UBE3C: variants seen among roughly 807,000 people sequenced by gnomAD.
UBE3C encodes ubiquitin protein ligase E3C, also known as ubiquitin-protein ligase E3C.
In UBE3C, 42 loss-of-function variants were observed where a neutral mutation model predicts 129.4. The observed-to-expected ratio is 0.32, with a 90% CI of 0.25 to 0.42. The LOEUF (loss-of-function observed/expected upper bound fraction) is 0.42, where lower values mean the gene tolerates loss of function less well. UBE3C is among the 10% of genes least tolerant of loss of function. The probability of loss-of-function intolerance (pLI) is 1.00; values close to 1 mark genes in which losing one functional copy is unlikely to be tolerated. For synonymous variants in UBE3C, 510 were observed against 492.4 expected, an observed-to-expected ratio of 1.04 and a Z score of -0.47; for missense variants, 1,049 against 1,319.1, an observed-to-expected ratio of 0.80 and a Z score of 3.17.
At chr7:157,226,251 G>T (rs1199916712) in intron 17 of UBE3C, among the ~76,000 whole-genome samples, 1 of 152,142 alleles carries the variant, frequency 6.6e-6, no homozygotes, top group African/African-American at 2.4e-5. Flanking sequence ...AGTTTCTTAT[G>T]AAAAGATAAG....
At chr7:157,169,862 T>TTAG (rs1300790200) in intron 3 of UBE3C, among the ~76,000 whole-genome samples, 1 of 152,092 alleles carries the variant, frequency 6.6e-6, no homozygotes, top group Non-Finnish European at 1.5e-5. Context: ...TTTTGTATTT[T>TTAG]TAGTAGAGAT....
At chr7:157,251,833 C>T (rs187745201) in intron 19 of UBE3C, among the ~76,000 whole-genome samples, 50 of 151,354 alleles carry the variant, frequency 3.3e-4, no homozygotes, top group Non-Finnish European at 5.0e-4. Context: ...GTAGTGTAAC[C>T]GTTTAAAAGT....
At chr7:157,248,298 A>G in intron 18 of UBE3C, 70 bp from the exon 19 acceptor site, 1 of 1,372,122 alleles carries the variant, frequency 7.3e-7, no homozygotes. Flanking sequence ...TATCAAGTTG[A>G]GCATATGGCT....
intron 22 of UBE3C, 117 bp downstream of exon 22, chr7:157,257,161 T>A (rs1487548768): frequency 1.4e-6 from 2 of 1,380,682 alleles, no homozygotes; most frequent in African/African-American, 2.9e-5. Flanking sequence ...TATCTTCAGC[T>A]AGATTTTTAA....
At chr7:157,190,895 C>G (rs567932699) in intron 10 of UBE3C, among the ~76,000 whole-genome samples, 40 of 152,286 alleles carry the variant, frequency 2.6e-4, no homozygotes, top group Non-Finnish European at 5.4e-4. Context: ...TTTATGCCTC[C>G]ATGGTGTTTC....
At chr7:157,174,642 CAG>C (rs1808466478) in intron 4 of UBE3C, among the ~76,000 whole-genome samples, 1 of 152,164 alleles carries the variant, frequency 6.6e-6, no homozygotes, top group Non-Finnish European at 1.5e-5. Context: ...TTTGTAGAGA[CAG>C]GGTTTCACCA....
intron 18 of UBE3C, among the ~76,000 whole-genome samples, chr7:157,237,378 T>C (rs1452462758): frequency 1.1e-4 from 16 of 152,112 alleles, no homozygotes. Flanking sequence ...GAGGCGGAGC[T>C]TGCAGTGAGC....
intron 3 of UBE3C, 119 bp downstream of exon 3, chr7:157,169,241 A>G: frequency 4.5e-6 from 3 of 664,402 alleles, no homozygotes; most frequent in Non-Finnish European, 4.8e-6. Flanking sequence ...TTCCCAATAA[A>G]TAATTTTATT....
intron 5 of UBE3C, among the ~76,000 whole-genome samples, chr7:157,177,587 G>A (rs3802126): frequency 0.48 from 72,307 of 152,098 alleles, 19,806 homozygotes; most frequent in African/African-American, 0.77. Context: ...GTGTAGCCCC[G>A]CTCCTCCTGC....
intron 10 of UBE3C, among the ~76,000 whole-genome samples, chr7:157,191,366 A>G (rs1273959288): frequency 6.6e-6 from 1 of 152,188 alleles, no homozygotes; most frequent in Non-Finnish European, 1.5e-5. Context: ...ATCTCAGCTC[A>G]CTGAAACCCC....
intron 1 of UBE3C, among the ~76,000 whole-genome samples, chr7:157,155,550 T>A (rs1241404829): frequency 6.6e-6 from 1 of 152,210 alleles, no homozygotes; most frequent in Non-Finnish European, 1.5e-5. Context: ...TTCACTCTAG[T>A]TTTTTAACAT....
At chr7:157,240,526 C>G (rs897949122) in intron 18 of UBE3C, among the ~76,000 whole-genome samples, 1 of 152,090 alleles carries the variant, frequency 6.6e-6, no homozygotes, top group South Asian at 2.1e-4. Context: ...TTTCTACACC[C>G]GTAAACGGCT....
intron 18 of UBE3C, among the ~76,000 whole-genome samples, chr7:157,233,114 C>G (rs962910061): frequency 6.8e-6 from 1 of 147,186 alleles, no homozygotes; most frequent in African/African-American, 2.5e-5. Flanking sequence ...TTTTTTTTTT[C>G]TAGACATTTC....
chr7:157,180,517 C>T lies in UBE3C; in HGVS notation c.617-1001C>T, dbSNP rs571531466. 9.9e-5 allele frequency among the ~76,000 whole-genome samples: 15 copies of T among 152,210 alleles called. 1 individual carries two copies. In the South Asian group the frequency reaches 3.1e-3, roughly 32 times the overall value. On this transcript the variant is annotated intron_variant, in intron 6 of 22. Coordinates refer to ENST00000348165, the MANE Select transcript of UBE3C (RefSeq NM_014671.3). ...TTGTTTGGTGATCTTCACTCAAATA[C>T]GAAGCTGTGTAGGACTGTTTCAAAA...
intron 10 of UBE3C, among the ~76,000 whole-genome samples, chr7:157,201,442 A>C (rs1046730364): frequency 1.4e-5 from 2 of 140,746 alleles, no homozygotes; most frequent in Admixed American, 7.4e-5. Flanking sequence ...AAAACAGCTT[A>C]TATCTTTATC....
intron 22 of UBE3C, among the ~76,000 whole-genome samples, chr7:157,262,736 G>A (rs559388040): frequency 2.0e-5 from 3 of 152,156 alleles, no homozygotes; most frequent in South Asian, 4.1e-4. Flanking sequence ...ATAGCATTTT[G>A]TGGGCTGTGC....
chr7:157,212,900 G>T (rs911688360), intron 13 of UBE3C, among the ~76,000 whole-genome samples: 27 of 152,126 alleles, frequency 1.8e-4, no homozygotes, highest in African/African-American at 6.5e-4. Context: ...TGGGACTACA[G>T]GCATGTGCCA....
intron 4 of UBE3C, among the ~76,000 whole-genome samples, chr7:157,174,191 G>A (rs913864059): frequency 5.9e-5 from 9 of 151,986 alleles, no homozygotes; most frequent in African/African-American, 1.4e-4. Context: ...GGCAAACCCC[G>A]CCCCTACTAA....
chr7:157,231,215 G>A lies in UBE3C; in HGVS notation c.2369G>A (p.Gly790Glu), dbSNP rs1796014467. The change falls in exon 18 of 23, where the codon GGG (glycine) becomes GAG (glutamate). Residue 790 changes from glycine to glutamate, a missense_variant. Gly to Glu is a moderately conservative substitution (Grantham distance 98). Coordinates refer to ENST00000348165, the MANE Select transcript of UBE3C (RefSeq NM_014671.3). ...LLKSGFNPNQ[G>E]FFKTTNEGLL... The stretch of plus-strand genomic sequence containing the variant: ...AAGTCAGGATTTAACCCCAACCAGG[G>A]GTTCTTTAAGACTACTAATGAAGGG... 1 of 1,613,946 alleles carries A rather than the reference G, an allele frequency of 6.2e-7. No individual in the cohort carries two copies. The highest frequency in any genetic ancestry group is 1.3e-5 in the African/African-American group (1 of 74,876).
Sources: gnomAD v4.1 joint callset for allele counts (sites outside exome capture counted in the v4.1 genomes callset) on GRCh38, gnomAD v4.1.1 for gene constraint, MANE v1.5 for transcripts, NCBI Gene and HGNC (gene_info 2026-07-23, HGNC 2026-07-21) for gene names.